Variants in PPP2R3A observed in about 807,000 individuals in gnomAD.
The protein encoded by PPP2R3A is serine/threonine-protein phosphatase 2A regulatory subunit B'' subunit alpha.
In PPP2R3A, 80 loss-of-function variants were observed where a neutral mutation model predicts 106.9. The ratio of observed to expected loss-of-function variants is 0.75; its 90% CI spans 0.62 to 0.90. The LOEUF is 0.90. Ranked by LOEUF, PPP2R3A falls within the 40% of genes least tolerant of loss-of-function variation. The pLI is 0.00. For missense variants in PPP2R3A, 1,386 were observed against 1,350.4 expected (o/e 1.03, Z -0.41); for synonymous variants, 483 against 468.3 (o/e 1.03, Z -0.41).
intron 5 of PPP2R3A, 71 bp downstream of exon 5, chr3:136,049,432 C>A: frequency 9.0e-7 from 1 of 1,110,108 alleles, no homozygotes; most frequent in Non-Finnish European, 1.3e-6. Flanking sequence ...AAATTTACAA[C>A]TATAACATGT....
At chr3:136,038,755 A>C (rs995248984) in intron 3 of PPP2R3A, among the ~76,000 whole-genome samples, 3 of 152,210 alleles carry the variant, frequency 2.0e-5, no homozygotes, top group Non-Finnish European at 4.4e-5. Context: ...TTCTGCATGA[A>C]AGGAGAGTCT....
rs1559892504 is a variant in PPP2R3A at position 136,055,227 on chromosome 3, T to G, written c.2469+5866T>G. ...CAAGATAAAATTAAAAAGCCAGACA[T>G]ACTTTCTATCAAGCTGCGTAAAAAG... On this transcript the variant is annotated intron_variant, in intron 5 of 13. Transcript: ENST00000264977. The G allele has an allele frequency of 5.1e-6, 4 of 779,818 alleles. No individual in the cohort carries two copies. In the Admixed American group the frequency reaches 6.0e-5, roughly 12 times the overall value. The allele number at this position is 779,818 out of a possible 1,614,324, so 48.3% of individuals were successfully genotyped here. A position where few individuals can be genotyped will look rare whatever the true frequency, so the allele number is the denominator to read the frequency against.
intron 2 of PPP2R3A, among the ~76,000 whole-genome samples, chr3:136,006,397 T>C (rs1292216597): frequency 1.3e-5 from 2 of 152,220 alleles, no homozygotes; most frequent in Non-Finnish European, 2.9e-5. Context: ...AATCTTTCTT[T>C]TCTTATGAAA....
intron 12 of PPP2R3A, among the ~76,000 whole-genome samples, chr3:136,105,754 G>T (rs751829432): frequency 5.3e-5 from 8 of 152,144 alleles, no homozygotes; most frequent in Non-Finnish European, 5.9e-5. Flanking sequence ...CTGAGGTCAG[G>T]AGTTCGAGAC....
In PPP2R3A at chr3:136,001,797, G is replaced by A. The variant is rs1933634027; in HGVS notation, c.299G>A (p.Gly100Glu). Residue 100 changes from glycine (G) to glutamate (E), a missense_variant, in exon 2 of 14, where the codon GGA becomes GAA. By Grantham distance (98) the Gly-to-Glu change is moderately conservative (BLOSUM62 -2). Coordinates refer to ENST00000264977, the MANE Select transcript of PPP2R3A (RefSeq NM_002718.5). ...AFTGIPRVKR[G>E]STFQNTYNLK... ...ACAGGCATACCCAGGGTCAAGAGAG[G>A]ATCTACATTTCAGAATACCTACAAC... is the stretch of plus-strand genomic sequence containing the variant. 6.2e-7 allele frequency: 1 copy of A among 1,614,180 alleles called. No individual in the cohort carries two copies. The highest frequency in any genetic ancestry group is 1.7e-5 in the Admixed American group (1 of 60,016).
chr3:135,976,659 C>G (rs1937429893), intron 1 of PPP2R3A, among the ~76,000 whole-genome samples: 1 of 152,142 alleles, frequency 6.6e-6, no homozygotes, highest in South Asian at 2.1e-4. Context: ...GGAGTCCTCT[C>G]CCTTTGTGGT....
chr3:136,132,018 G>C (rs567111947), intron 13 of PPP2R3A, among the ~76,000 whole-genome samples: 5 of 150,812 alleles, frequency 3.3e-5, no homozygotes, highest in Admixed American at 6.6e-5. Context: ...GTCAGGGGGT[G>C]GGGGGGGCTG....
intron 8 of PPP2R3A, among the ~76,000 whole-genome samples, chr3:136,086,208 G>A (rs1936924217): frequency 6.6e-6 from 1 of 152,068 alleles, no homozygotes; most frequent in Middle Eastern, 3.2e-3. Context: ...AGTTGGCCAG[G>A]CGCGGTGGCT....
chr3:135,994,267 G>C (rs1444703037), intron 1 of PPP2R3A, among the ~76,000 whole-genome samples: 1 of 152,126 alleles, frequency 6.6e-6, no homozygotes, highest in East Asian at 1.9e-4. Context: ...AGTAAGCCTG[G>C]TTTTTGGTGA....
chr3:136,041,250 G>GTTTTTTTGTT (rs1935266806), intron 4 of PPP2R3A, among the ~76,000 whole-genome samples: 1 of 56,588 alleles, frequency 1.8e-5, no homozygotes, highest in African/African-American at 5.9e-5. Flanking sequence ...TTTTTTTTTT[G>GTTTTTTTGTT]TTTTTTTTTT....
At chr3:136,003,687 G>T (rs1933741482) in intron 2 of PPP2R3A, among the ~76,000 whole-genome samples, 194 bp downstream of exon 2, 1 of 149,672 alleles carries the variant, frequency 6.7e-6, no homozygotes, top group Non-Finnish European at 1.5e-5. Context: ...AAAAAAAAAA[G>T]CAAAGACTTT....
intron 13 of PPP2R3A, among the ~76,000 whole-genome samples, chr3:136,132,744 A>G (rs1938473487): frequency 2.0e-5 from 3 of 151,944 alleles, no homozygotes; most frequent in Non-Finnish European, 2.9e-5. Flanking sequence ...TGGTGTAGAA[A>G]TTAGTAAACT....
intron 3 of PPP2R3A, among the ~76,000 whole-genome samples, chr3:136,036,346 G>A (rs1322233473): frequency 6.6e-6 from 1 of 152,176 alleles, no homozygotes; most frequent in Non-Finnish European, 1.5e-5. Context: ...ATATGGGTAG[G>A]CTCTGTCAGA....
At chr3:136,110,661 T>C (rs1937579339) in intron 13 of PPP2R3A, among the ~76,000 whole-genome samples, 1 of 152,220 alleles carries the variant, frequency 6.6e-6, no homozygotes. Flanking sequence ...TGTAAGCAAG[T>C]GTATGTGGCT....
chr3:136,094,621 A>C (rs1436045676), intron 10 of PPP2R3A, among the ~76,000 whole-genome samples: 1 of 152,208 alleles, frequency 6.6e-6, no homozygotes, highest in Non-Finnish European at 1.5e-5. Context: ...AGATATGGTG[A>C]CCTCAATGAA....
chr3:136,061,445 T>C (rs140554438), intron 5 of PPP2R3A, among the ~76,000 whole-genome samples: 21 of 151,356 alleles, frequency 1.4e-4, no homozygotes, highest in African/African-American at 4.4e-4. Flanking sequence ...CTGGCCAACA[T>C]GGTGAAACCA....
intron 10 of PPP2R3A, among the ~76,000 whole-genome samples, chr3:136,101,486 G>T (rs544842039): frequency 2.0e-5 from 3 of 152,142 alleles, no homozygotes; most frequent in African/African-American, 7.2e-5. Flanking sequence ...GTGCAGCAGC[G>T]CAGTCTTGGC....
chr3:136,108,212 G>GACACACACACACACACACACACACAC (rs375655120), intron 13 of PPP2R3A, among the ~76,000 whole-genome samples: 129 of 151,480 alleles, frequency 8.5e-4, no homozygotes, highest in African/African-American at 3.0e-3. Flanking sequence ...GCTAGACCCT[G>GACACACACACACACACACACACACAC]ACACACACAC....
At chr3:136,004,025 G>C (rs1415136012) in intron 2 of PPP2R3A, among the ~76,000 whole-genome samples, 2 of 152,152 alleles carry the variant, frequency 1.3e-5, no homozygotes, top group East Asian at 3.8e-4. Flanking sequence ...GACAATGTCT[G>C]AAACAGTTCA....
Sources: gnomAD v4.1 joint callset for allele counts (sites outside exome capture counted in the v4.1 genomes callset) on GRCh38, gnomAD v4.1.1 for gene constraint, MANE v1.5 for transcripts, NCBI Gene and HGNC (gene_info 2026-07-23, HGNC 2026-07-21) for gene names.